The following DMGDH variants were observed in gnomAD, a reference collection of about 807,000 sequenced individuals.
DMGDH encodes the protein dimethylglycine dehydrogenase, mitochondrial.
A neutral mutation model predicts 95.2 loss-of-function variants in DMGDH; 76 were observed. The ratio of observed to expected loss-of-function variants is 0.80; its 90% CI spans 0.66 to 0.97. The LOEUF (loss-of-function observed/expected upper bound fraction) is 0.97. DMGDH is among the 50% of genes least tolerant of loss of function. The pLI is 0.00. For missense variants in DMGDH, 987 were observed against 1,055.0 expected (o/e 0.94, Z 0.89); for synonymous variants, 345 against 377.6 (o/e 0.91, Z 1.00).
chr5:79,033,878 G>A (rs1469038519), intron 7 of DMGDH, among the ~76,000 whole-genome samples: 1 of 152,184 alleles, frequency 6.6e-6, no homozygotes, highest in Non-Finnish European at 1.5e-5. Flanking sequence ...GCTGCAGTGA[G>A]CCATATTCGC....
intron 7 of DMGDH, among the ~76,000 whole-genome samples, chr5:79,037,627 G>T (rs979409522): frequency 6.6e-6 from 1 of 152,112 alleles, no homozygotes; most frequent in Non-Finnish European, 1.5e-5. Context: ...AATCAGGGGA[G>T]GAGTCTGACA....
At chr5:79,005,729 G>A (rs1753536406) in intron 14 of DMGDH, among the ~76,000 whole-genome samples, 1 of 152,194 alleles carries the variant, frequency 6.6e-6, no homozygotes, top group Non-Finnish European at 1.5e-5. Context: ...TAATGGGTCT[G>A]GACAGTGGTA....
chr5:79,049,706 G>A (rs1201275398), intron 5 of DMGDH, among the ~76,000 whole-genome samples: 1 of 152,170 alleles, frequency 6.6e-6, no homozygotes, highest in African/African-American at 2.4e-5. Context: ...CATTAAGAGA[G>A]GATAGTGTCA....
chr5:79,061,117 T>C (rs1174339396), intron 2 of DMGDH, among the ~76,000 whole-genome samples: 14 of 151,036 alleles, frequency 9.3e-5, no homozygotes. Context: ...CAGCTACAGG[T>C]GCTGATGTGA....
chr5:79,034,770 T>C (rs1754289682), intron 7 of DMGDH, among the ~76,000 whole-genome samples: 1 of 152,168 alleles, frequency 6.6e-6, no homozygotes, highest in African/African-American at 2.4e-5. Context: ...ATAAAAGACT[T>C]TCTCAGGCCG....
chr5:79,034,403 G>A (rs1214012961), intron 7 of DMGDH, among the ~76,000 whole-genome samples: 2 of 152,148 alleles, frequency 1.3e-5, no homozygotes, highest in Non-Finnish European at 2.9e-5. Context: ...AGAACACGAT[G>A]CGGAAAATAA....
intron 15 of DMGDH, chr5:78,999,986 A>G: frequency 4.2e-6 from 1 of 238,602 alleles, no homozygotes; most frequent in South Asian, 6.6e-5. Context: ...ACAATCACCA[A>G]TTTGCAACAG....
chr5:79,055,241 G>C (rs1461779818), intron 3 of DMGDH, among the ~76,000 whole-genome samples: 1 of 152,250 alleles, frequency 6.6e-6, no homozygotes, highest in African/African-American at 2.4e-5. Flanking sequence ...CAAAGGTCAT[G>C]TTCCTAAGGC....
chr5:79,069,529 C>A lies in DMGDH; in HGVS notation c.92G>T (p.Gly31Val), dbSNP rs1580241378. Residue 31 changes from glycine to valine, a missense_variant, in exon 1 of 16, where the codon GGC (glycine) becomes GTC (valine). Transcript: ENST00000255189. ...ACGGGGCCCCACTCACCCTTCCCGG[C>A]CGCAGACAGAGCGCGGGCGCCCGGG... ...GSPGRPRSVCGREGEEKPPLS... is the reference protein window; with the variant it reads ...GSPGRPRSVCVREGEEKPPLS... The A allele has an allele frequency of 7.7e-7, 1 of 1,306,734 alleles. No homozygotes were observed. The highest frequency in any genetic ancestry group is 9.7e-7 in the Non-Finnish European group (1 of 1,030,402). The allele number at this position is 1,306,734 out of a possible 1,614,324, so 80.9% of individuals were successfully genotyped here.
chr5:79,022,746 A>G (rs529401045), intron 14 of DMGDH, among the ~76,000 whole-genome samples: 1 of 152,342 alleles, frequency 6.6e-6, no homozygotes, highest in African/African-American at 2.4e-5. Context: ...AGATATTTGA[A>G]AATCCCATTT....
chr5:79,002,349 C>G lies in DMGDH; in HGVS notation c.2385+2924G>C, dbSNP rs1753468486. 2.0e-5 allele frequency among the ~76,000 whole-genome samples: 3 copies of G among 152,178 alleles called. No homozygotes were observed. The South Asian group carries it at 6.2e-4, about 31-fold the overall frequency. ...ACTGAGCCACCGAATATAAAGAAAG[C>G]CTTTCTCATGACCATCTTTATGCCT... On this transcript the variant is annotated intron_variant, in intron 15 of 15. Coordinates refer to ENST00000255189, the MANE Select transcript of DMGDH (RefSeq NM_013391.3).
In DMGDH at chr5:79,054,333, G is replaced by A; in HGVS notation, c.391C>T (p.Gln131Ter). Residue 131 changes from glutamine (Q) to a stop codon, truncating the protein, a stop_gained, in exon 4 of 16, where the codon CAG becomes TAG. Coordinates refer to ENST00000255189, the MANE Select transcript of DMGDH (RefSeq NM_013391.3). LOFTEE classifies it high-confidence loss of function. ...GTAGCAAGTCTGATACTACCTGGCT[G>A]ATGGAATCCCACCACCTGTGACAAT... ...EETGQVVGFH[Q>*]PGSIRLATTP... 6.2e-7 allele frequency: 1 copy of A among 1,614,042 alleles called. No homozygotes were observed. Among genetic ancestry groups the A allele is most frequent in the Non-Finnish European group, 8.5e-7 (1 of 1,179,966 alleles).
rs555603257 is a variant in DMGDH at position 79,042,186 on chromosome 5, C to T, written c.1193+97G>A. ...TGTTTCTCTTTCTCTCTCTCTCAGCCTCCCACATTTCCCTTTTGCATCCTG... is the reference window on the plus strand; with the variant it reads ...TGTTTCTCTTTCTCTCTCTCTCAGCTTCCCACATTTCCCTTTTGCATCCTG... On this transcript the variant is annotated intron_variant, in intron 7 of 15. Transcript: ENST00000255189. 11 of 1,152,496 alleles carry T rather than the reference C, an allele frequency of 9.5e-6. No individual in the cohort carries two copies. In the African/African-American group the frequency reaches 1.7e-4, roughly 18 times the overall value. 71.4% of individuals were successfully genotyped at this position (1,152,496 alleles called of 1,614,324 possible). A position where few individuals can be genotyped will look rare whatever the true frequency, so the allele number is the denominator to read the frequency against.
At chr5:79,009,176 A>G (rs1173218904) in intron 14 of DMGDH, among the ~76,000 whole-genome samples, 2 of 152,280 alleles carry the variant, frequency 1.3e-5, no homozygotes, top group Non-Finnish European at 1.5e-5. Context: ...GTATCTGAAA[A>G]CATTCAGAAT....
At chr5:79,030,064 G>T in intron 10 of DMGDH, 30 bp from the exon 11 acceptor site, 1 of 1,594,172 alleles carries the variant, frequency 6.3e-7, no homozygotes, top group East Asian at 2.2e-5. Flanking sequence ...ATTACCTTAG[G>T]ATGAACTAAA....
chr5:79,022,214 C>A (rs1167731711), intron 14 of DMGDH, among the ~76,000 whole-genome samples: 1 of 148,196 alleles, frequency 6.7e-6, no homozygotes, highest in Non-Finnish European at 1.5e-5. Flanking sequence ...CTTCTGTTCT[C>A]CTATAGCATC....
At chr5:79,034,659 A>G (rs565388817) in intron 7 of DMGDH, among the ~76,000 whole-genome samples, 1 of 152,356 alleles carries the variant, frequency 6.6e-6, no homozygotes, top group East Asian at 1.9e-4. Flanking sequence ...CACAGCTTCT[A>G]AGAGCATGGG....
chr5:79,007,468 A>G (rs1176407429), intron 14 of DMGDH, among the ~76,000 whole-genome samples: 1 of 151,118 alleles, frequency 6.6e-6, no homozygotes, highest in African/African-American at 2.5e-5. Context: ...GACTATATCT[A>G]AGAAAGAATT....
Position 79,032,737 on chromosome 5 carries a change from G to A in DMGDH, c.1467C>T (p.Gly489=), listed in dbSNP as rs1805072. The A allele has an allele frequency of 0.19, 299,909 of 1,613,914 alleles. 29,025 individuals carry two copies. The highest frequency in any genetic ancestry group is 0.25 in the South Asian group (22,317 of 91,072). ...ESKCSMGFHA[G]WEQPHWFYKP... ...TGTAGAACCAGTGCGGCTGCTCCCA[G>A]CCAGCATGGAACCCCATGGAACACT... is the stretch of plus-strand genomic sequence containing the variant. Residue 489 remains glycine, a synonymous_variant, in exon 9 of 16, where the codon GGC becomes GGT. Transcript: ENST00000255189.
Sources: gnomAD v4.1 joint callset for allele counts (sites outside exome capture counted in the v4.1 genomes callset) on GRCh38, gnomAD v4.1.1 for gene constraint, MANE v1.5 for transcripts, NCBI Gene and HGNC (gene_info 2026-07-23, HGNC 2026-07-21) for gene names.